The following LRP1B variants were observed in gnomAD, a reference collection of about 807,000 sequenced individuals.
The protein encoded by LRP1B is LDL receptor related protein 1B.
LRP1B carries 217 observed loss-of-function variants against 556.6 expected under a neutral mutation model. That is an observed-to-expected ratio of 0.39 (90% CI 0.35 to 0.44). The LOEUF (loss-of-function observed/expected upper bound fraction) is 0.44, where lower values mean the gene tolerates loss of function less well. LRP1B is among the 20% of genes least tolerant of loss of function. The pLI, the probability that LRP1B is intolerant of heterozygous loss-of-function variation, is 1.00. For synonymous variants in LRP1B, 2,047 were observed against 1,865.8 expected, an observed-to-expected ratio of 1.10 and a Z score of -2.50; for missense variants, 5,053 against 5,620.8, an observed-to-expected ratio of 0.90 and a Z score of 3.23.
chr2:140,313,465 A>G (rs1392439122), intron 83 of LRP1B, among the ~76,000 whole-genome samples: 1 of 151,934 alleles, frequency 6.6e-6, no homozygotes, highest in African/African-American at 2.4e-5. Context: ...GTAGAGATTT[A>G]TCCCTGAGAT....
At chr2:141,034,836 AC>A (rs1185735643) in intron 11 of LRP1B, among the ~76,000 whole-genome samples, 1 of 150,932 alleles carries the variant, frequency 6.6e-6, no homozygotes, top group Non-Finnish European at 1.5e-5. Context: ...ACACCATTTG[AC>A]CCAGCCATCC....
rs192152687 is a variant in LRP1B, at chr2:140,276,916, A to T, written c.12968-2318T>A. On this transcript the variant is annotated intron_variant, in intron 84 of 90. Transcript: ENST00000389484. ...ATGGGGCCCAGGTAGTTCCCATGGG[A>T]ACTAGAAAATGTAAGAAATGATGAT... is the stretch of plus-strand genomic sequence containing the variant. Among the ~76,000 whole-genome samples, 245 of 152,030 alleles carry T rather than the reference A, an allele frequency of 1.6e-3. 1 individual carries two copies. The highest frequency in any genetic ancestry group is 5.8e-3 in the African/African-American group (239 of 41,518).
intron 59 of LRP1B, among the ~76,000 whole-genome samples, chr2:140,483,615 C>CACACACATATATATAT (rs1403726877): frequency 1.1e-5 from 1 of 88,368 alleles, no homozygotes; most frequent in Admixed American, 1.5e-4. Context: ...CACACACACA[C>CACACACATATATATAT]ATATATATAT....
At chr2:140,581,486 A>AT (rs576804145) in intron 43 of LRP1B, among the ~76,000 whole-genome samples, 5,789 of 149,216 alleles carry the variant, frequency 0.039, 149 homozygotes, top group Middle Eastern at 0.069. Context: ...AGGCTTTGTT[A>AT]TTTTTTTTTT....
chr2:141,580,992 C>G (rs1269835370), intron 2 of LRP1B, among the ~76,000 whole-genome samples: 1 of 152,180 alleles, frequency 6.6e-6, no homozygotes, highest in Non-Finnish European at 1.5e-5. Context: ...ATACTTAACA[C>G]CTCTCATCTA....
At chr2:140,365,461 C>T (rs887440547) in intron 71 of LRP1B, among the ~76,000 whole-genome samples, 8 of 151,604 alleles carry the variant, frequency 5.3e-5, no homozygotes, top group Non-Finnish European at 1.0e-4. Flanking sequence ...AGTACATCTG[C>T]CACACGCAAA....
chr2:140,310,113 T>A (rs10169128), intron 83 of LRP1B, among the ~76,000 whole-genome samples: 1 of 151,360 alleles, frequency 6.6e-6, no homozygotes, highest in Non-Finnish European at 1.5e-5. Flanking sequence ...CTGACTGGGC[T>A]CCTCCTCTGC....
intron 3 of LRP1B, among the ~76,000 whole-genome samples, chr2:141,471,558 C>T (rs990842493): frequency 2.0e-5 from 3 of 152,140 alleles, no homozygotes; most frequent in Non-Finnish European, 4.4e-5. Context: ...CTACCCAATG[C>T]TTAGAGTGAG....
intron 43 of LRP1B, among the ~76,000 whole-genome samples, chr2:140,576,361 G>A (rs1387188266): frequency 1.3e-5 from 2 of 152,158 alleles, no homozygotes; most frequent in African/African-American, 4.8e-5. Flanking sequence ...TAAGACGTAA[G>A]TCAGAGAAAG....
chr2:141,868,967 A>G (rs1367018797), intron 1 of LRP1B, among the ~76,000 whole-genome samples: 1 of 152,182 alleles, frequency 6.6e-6, no homozygotes, highest in African/African-American at 2.4e-5. Context: ...CATACTAAAC[A>G]TACAATCAAG....
intron 2 of LRP1B, among the ~76,000 whole-genome samples, chr2:141,618,991 T>C (rs1014988473): frequency 5.9e-5 from 9 of 152,204 alleles, no homozygotes; most frequent in Admixed American, 5.2e-4. Context: ...TAAAACTTTA[T>C]AGGGAAGTTT....
intron 1 of LRP1B, among the ~76,000 whole-genome samples, chr2:142,058,443 G>T (rs772833687): frequency 3.3e-5 from 5 of 152,136 alleles, no homozygotes; most frequent in Non-Finnish European, 5.9e-5. Flanking sequence ...ATACTTTAGC[G>T]CAAGCTTGTG....
chr2:140,547,567 G>A (rs1680389245), intron 43 of LRP1B, among the ~76,000 whole-genome samples: 1 of 151,606 alleles, frequency 6.6e-6, no homozygotes, highest in Non-Finnish European at 1.5e-5. Context: ...TTTAGCCAGT[G>A]GTCTATCTAG....
At chr2:141,987,946 ATG>A in intron 1 of LRP1B, among the ~76,000 whole-genome samples, 1 of 152,046 alleles carries the variant, frequency 6.6e-6, no homozygotes, top group Admixed American at 6.6e-5. Context: ...TAAGTGGCGT[ATG>A]CAAAGGATTA....
rs997029294 is a variant in LRP1B, at chr2:140,936,779, C to G, written c.3136+13456G>C. 2.0e-5 allele frequency among the ~76,000 whole-genome samples: 3 copies of G among 152,198 alleles called. No homozygotes were observed. In the East Asian group the frequency reaches 5.8e-4, roughly 29 times the overall value. ...TTTGCAAATCACATTTTGTTTTCTA[C>G]ACAATTTAAAAGATTAATGTGTTTT... On this transcript the variant is annotated intron_variant, in intron 20 of 90. Coordinates refer to ENST00000389484, the MANE Select transcript of LRP1B (RefSeq NM_018557.3).
chr2:141,391,699 A>G (rs1447879623), intron 3 of LRP1B, among the ~76,000 whole-genome samples: 1 of 152,226 alleles, frequency 6.6e-6, no homozygotes, highest in African/African-American at 2.4e-5. Flanking sequence ...AAGAGAAACT[A>G]GATGAAAGGA....
At chr2:140,777,575 T>C (rs1031014495) in intron 32 of LRP1B, among the ~76,000 whole-genome samples, 5 of 152,154 alleles carry the variant, frequency 3.3e-5, no homozygotes, top group African/African-American at 4.8e-5. Context: ...TCCTTCTTTG[T>C]TAAACATCAC....
At position 141,946,947 on chromosome 2, in the gene LRP1B, C is replaced by G. The variant is rs139807322; in HGVS notation, c.83-136546G>C. On this transcript the variant is annotated intron_variant, in intron 1 of 90. Coordinates refer to ENST00000389484, the MANE Select transcript of LRP1B (RefSeq NM_018557.3). ...AAAAAAACCAAGAACAAAATTGTTT[C>G]TTAGGCTGCTAAGCAACATAATAGA... Among the ~76,000 whole-genome samples, 389 of 152,192 alleles carry G rather than the reference C, an allele frequency of 2.6e-3. 8 individuals carry two copies. Among genetic ancestry groups the G allele is most frequent in the Admixed American group, 0.025 (378 of 15,290 alleles).
intron 1 of LRP1B, among the ~76,000 whole-genome samples, chr2:141,986,289 A>T (rs1574563052): frequency 6.6e-6 from 1 of 152,130 alleles, no homozygotes; most frequent in African/African-American, 2.4e-5. Flanking sequence ...TAAAAACTTT[A>T]AAAAAGTAGA....
Sources: gnomAD v4.1 joint callset for allele counts (sites outside exome capture counted in the v4.1 genomes callset) on GRCh38, gnomAD v4.1.1 for gene constraint, MANE v1.5 for transcripts, NCBI Gene and HGNC (gene_info 2026-07-23, HGNC 2026-07-21) for gene names.